Variants in MMP28 observed in about 807,000 individuals in gnomAD.
MMP28 encodes the protein matrix metallopeptidase 28.
A neutral mutation model predicts 60.5 loss-of-function variants in MMP28; 55 were observed. The ratio of observed to expected loss-of-function variants is 0.91; its 90% confidence interval spans 0.73 to 1.14. MMP28 has a LOEUF of 1.14. Among genes scored for constraint, MMP28 ranks in the 50% most tolerant of loss-of-function variants. The pLI is 0.00. For missense variants in MMP28, 686 were observed against 738.3 expected (o/e 0.93, Z 0.82); for synonymous variants, 318 against 312.5 (o/e 1.02, Z -0.18).
rs550042644 is a variant in MMP28, at chr17:35,770,261, T to C, written c.656A>G (p.Asp219Gly). Residue 219 changes from aspartate (D) to glycine (G), a missense_variant, in exon 5 of 8, where the codon GAC (aspartate) becomes GGC (glycine). Transcript: ENST00000605424. ...FLPRRGEAHF[D>G]QDERWSLSRR... ...GCTCAGGGACCAGCGCTCATCTTGG[T>C]CGAAGTGCGCTTCGCCGCGGCGGGG... is the stretch of plus-strand genomic sequence containing the variant. 3.2e-6 allele frequency: 5 copies of C among 1,580,032 alleles called. No homozygotes were observed. The East Asian group carries it at 6.9e-5, about 22-fold the overall frequency.
intron 3 of MMP28, among the ~76,000 whole-genome samples, chr17:35,775,444 T>G (rs563972969): frequency 6.6e-6 from 1 of 152,050 alleles, no homozygotes; most frequent in East Asian, 1.9e-4. Flanking sequence ...TGCTCCAAAG[T>G]TCAAAAAGGA....
chr17:35,768,140 G>T, intron 6 of MMP28, 90 bp downstream of exon 6: 3 of 1,475,392 alleles, frequency 2.0e-6, no homozygotes, highest in African/African-American at 1.4e-5. Flanking sequence ...GGCTTTTACA[G>T]TCCATCCCCC....
At chr17:35,774,951 T>C (rs1388229080) in intron 3 of MMP28, among the ~76,000 whole-genome samples, 1 of 152,188 alleles carries the variant, frequency 6.6e-6, no homozygotes, top group Non-Finnish European at 1.5e-5. Context: ...TCCCAGGCTC[T>C]TTCTTTCCCC....
downstream of MMP28, among the ~76,000 whole-genome samples, chr17:35,761,908 G>A (rs1212294384): frequency 6.6e-6 from 1 of 152,208 alleles, no homozygotes; most frequent in Non-Finnish European, 1.5e-5. Flanking sequence ...CAACCAGAAG[G>A]CTAGAACACC....
chr17:35,784,266 G>A (rs1180364294), intron 1 of MMP28, among the ~76,000 whole-genome samples: 4 of 143,560 alleles, frequency 2.8e-5, no homozygotes, highest in East Asian at 2.0e-4. Context: ...TGGGCAACAA[G>A]AGCAAGACTC....
rs527698007 is a variant in MMP28, at chr17:35,782,929, C to T, written c.112-3606G>A. Among the ~76,000 whole-genome samples the T allele has an allele frequency of 2.2e-4, 34 of 152,348 alleles. No individual in the cohort carries two copies. The South Asian group carries it at 6.6e-3, about 30-fold the overall frequency. On this transcript the variant is annotated intron_variant, in intron 1 of 7. Transcript: ENST00000605424. ...GCAAGCTCTGCCTCCAGGGTTCACG[C>T]CATTCTCCTGCCTCAGCCTCCCGAG... is the stretch of plus-strand genomic sequence containing the variant.
rs539121703 is a variant in MMP28 at position 35,789,847 on chromosome 17, C to T, written c.111+5420G>A. 4.0e-5 allele frequency among the ~76,000 whole-genome samples: 6 copies of T among 151,670 alleles called. No homozygotes were observed. The East Asian group carries it at 5.8e-4, about 15-fold the overall frequency. On this transcript the variant is annotated intron_variant, in intron 1 of 7. Coordinates refer to ENST00000605424, the MANE Select transcript of MMP28 (RefSeq NM_024302.5). ...CGCGATCTCGGCTCACTGCAACCTC[C>T]GCCTCCTGGTTTCAAGCAATTCTCC...
At position 35,795,270 on chromosome 17, in the gene MMP28, C is replaced by A; in HGVS notation, c.108G>T (p.Ala36=). 1 of 1,432,456 alleles carries A rather than the reference C, an allele frequency of 7.0e-7. No homozygotes were observed. The allele number at this position is 1,432,456 out of a possible 1,614,324, so 88.7% of individuals were successfully genotyped here. The change falls in exon 1 of 8, where the codon GCG becomes GCT. Residue 36 remains alanine (A), a synonymous_variant. Coordinates refer to ENST00000605424, the MANE Select transcript of MMP28 (RefSeq NM_024302.5). The stretch of plus-strand genomic sequence containing the variant: ...CCGCCAGGTACACACGGCGTACCTC[C>A]GCCTCCTTGCGCAGCTCCTGGCCTC... ...ERGGQELRKE[A]EAFLEKYGYL...
intron 7 of MMP28, 100 bp downstream of exon 7, chr17:35,767,652 C>A (rs556469743): frequency 1.5e-6 from 2 of 1,377,050 alleles, no homozygotes; most frequent in Admixed American, 2.2e-5. Flanking sequence ...CCACCATGGA[C>A]TCGTGTGAGA....
chr17:35,771,696 A>AATATATAT (rs71366482), intron 4 of MMP28, among the ~76,000 whole-genome samples: 19 of 50,600 alleles, frequency 3.8e-4, no homozygotes, highest in Non-Finnish European at 6.6e-4. Context: ...TATAGAAGTG[A>AATATATAT]ATATATATAT....
chr17:35,785,921 C>G (rs1173082636), intron 1 of MMP28, among the ~76,000 whole-genome samples: 1 of 152,198 alleles, frequency 6.6e-6, no homozygotes, highest in Non-Finnish European at 1.5e-5. Flanking sequence ...GGAGCATCAT[C>G]AACATCTAAG....
At chr17:35,789,151 C>T (rs1366188904) in intron 1 of MMP28, among the ~76,000 whole-genome samples, 3 of 152,202 alleles carry the variant, frequency 2.0e-5, no homozygotes, top group Admixed American at 6.5e-5. Flanking sequence ...GAGCCATGTA[C>T]ACAGGGTACA....
chr17:35,759,178 T>C (rs1206132661), intron 2 of MMP28, among the ~76,000 whole-genome samples: 2 of 152,180 alleles, frequency 1.3e-5, no homozygotes, highest in Non-Finnish European at 2.9e-5. Flanking sequence ...TTCTTTCTCT[T>C]TAAATCAACC....
Position 35,770,206 on chromosome 17 carries a change from C to T in MMP28, c.711G>A (p.Val237=), listed in dbSNP as rs1555604996. The T allele has an allele frequency of 6.2e-7, 1 of 1,603,092 alleles. No individual in the cohort carries two copies. The highest frequency in any genetic ancestry group is 8.5e-7 in the Non-Finnish European group (1 of 1,178,082). ...GCGTGTGACCGATCTCGTGCGCCAG[C>T]ACCACGAACAGGTTGCGCCCGCGGC... is the stretch of plus-strand genomic sequence containing the variant. ...SRRRGRNLFV[V]LAHEIGHTLG... Residue 237 remains valine (V), a synonymous_variant, in exon 5 of 8, where the codon GTG becomes GTA. Coordinates refer to ENST00000605424, the MANE Select transcript of MMP28 (RefSeq NM_024302.5).
At chr17:35,784,338 T>C (rs1388061147) in intron 1 of MMP28, among the ~76,000 whole-genome samples, 1 of 151,336 alleles carries the variant, frequency 6.6e-6, no homozygotes, top group Admixed American at 6.6e-5. Context: ...ATTTATGGGC[T>C]CCCTTATACT....
chr17:35,767,082 A>AT, intron 7 of MMP28, 188 bp from the exon 8 acceptor site: 1 of 721,652 alleles, frequency 1.4e-6, no homozygotes, highest in Non-Finnish European at 2.5e-6. Context: ...AACTCCTATT[A>AT]TTTATTGTCT....
Position 35,795,258 on chromosome 17 carries a change from A to G in MMP28, c.111+9T>C. Reference sequence around the variant, plus strand: ...ACGCACCGCTCTCCGCCAGGTACACACGGCGTACCTCCGCCTCCTTGCGCA... The same window carrying G: ...ACGCACCGCTCTCCGCCAGGTACACGCGGCGTACCTCCGCCTCCTTGCGCA... On this transcript the variant is annotated intron_variant, in intron 1 of 7. Transcript: ENST00000605424. 3 of 1,403,976 alleles carry G rather than the reference A, an allele frequency of 2.1e-6. No individual in the cohort carries two copies. In the South Asian group the frequency reaches 4.7e-5, roughly 22 times the overall value. 87.0% of individuals were successfully genotyped at this position (1,403,976 alleles called of 1,614,324 possible).
At chr17:35,759,317 G>C (rs180825261) in intron 2 of MMP28, among the ~76,000 whole-genome samples, 17 of 152,274 alleles carry the variant, frequency 1.1e-4, no homozygotes, top group Admixed American at 1.0e-3. Context: ...ACTTTTCAAG[G>C]GTTTTTGGAT....
chr17:35,770,454 T>A (rs1429865121), intron 4 of MMP28, 142 bp from the exon 5 acceptor site: 1 of 1,107,662 alleles, frequency 9.0e-7, no homozygotes, highest in East Asian at 2.7e-5. Context: ...GAACCTGAAG[T>A]GTGCAGAGGT....
Sources: gnomAD v4.1 joint callset for allele counts (sites outside exome capture counted in the v4.1 genomes callset) on GRCh38, gnomAD v4.1.1 for gene constraint, MANE v1.5 for transcripts, NCBI Gene and HGNC (gene_info 2026-07-23, HGNC 2026-07-21) for gene names.